The following ATRNL1 variants were observed in gnomAD, a reference collection of about 807,000 sequenced individuals.
ATRNL1 encodes attractin like 1, also known as attractin-like protein 1.
ATRNL1 carries 95 observed loss-of-function variants against 182.7 expected under a neutral mutation model. The ratio of observed to expected loss-of-function variants is 0.52; its 90% CI spans 0.44 to 0.62. The LOEUF (loss-of-function observed/expected upper bound fraction) is 0.62. Ranked by LOEUF, ATRNL1 falls within the 20% of genes least tolerant of loss-of-function variation. The probability of loss-of-function intolerance (pLI) is 0.00; values close to 1 mark genes in which losing one functional copy is unlikely to be tolerated. For missense variants in ATRNL1, 1,471 were observed against 1,679.5 expected (o/e 0.88, Z 2.17); for synonymous variants, 576 against 568.3 (o/e 1.01, Z -0.19).
intron 1 of ATRNL1, among the ~76,000 whole-genome samples, chr10:115,103,707 G>T (rs981545454): frequency 2.0e-5 from 3 of 151,962 alleles, no homozygotes; most frequent in Non-Finnish European, 2.9e-5. Context: ...ACCTTTCCCA[G>T]CCTCAGGTAA....
chr10:115,363,398 A>G (rs1406935378), intron 19 of ATRNL1, among the ~76,000 whole-genome samples: 2 of 145,478 alleles, frequency 1.4e-5, no homozygotes, highest in South Asian at 4.5e-4. Flanking sequence ...GTTTGAGTTC[A>G]TTGTAGATTC....
chr10:115,347,298 A>C (rs1458183271), intron 19 of ATRNL1, among the ~76,000 whole-genome samples: 2 of 152,118 alleles, frequency 1.3e-5, no homozygotes, highest in Admixed American at 6.5e-5. Context: ...CGTGTTTCTT[A>C]AAGTTGGCAG....
chr10:115,740,269 G>A (rs1160900560), intron 27 of ATRNL1, among the ~76,000 whole-genome samples: 11 of 151,962 alleles, frequency 7.2e-5, no homozygotes, highest in South Asian at 2.1e-4. Flanking sequence ...TCATACCAGA[G>A]ACCTTTTCTT....
intron 27 of ATRNL1, among the ~76,000 whole-genome samples, chr10:115,749,232 A>G (rs1555070012): frequency 1.3e-5 from 2 of 151,912 alleles, no homozygotes; most frequent in Non-Finnish European, 2.9e-5. Context: ...TACTAATTTT[A>G]TGTATTTTTA....
intron 26 of ATRNL1, among the ~76,000 whole-genome samples, chr10:115,683,342 A>G (rs1445213033): frequency 6.6e-6 from 1 of 151,998 alleles, no homozygotes; most frequent in African/African-American, 2.4e-5. Context: ...AATTTTTATT[A>G]TGATAAGCTT....
At chr10:115,535,954 A>C (rs565290681) in intron 25 of ATRNL1, among the ~76,000 whole-genome samples, 1 of 151,372 alleles carries the variant, frequency 6.6e-6, no homozygotes, top group East Asian at 2.0e-4. Flanking sequence ...CTGCTGTCTG[A>C]TCGTTCCTCT....
intron 5 of ATRNL1, among the ~76,000 whole-genome samples, chr10:115,144,914 T>TA (rs5788095): frequency 0.73 from 110,850 of 151,860 alleles, 41,467 homozygotes; most frequent in African/African-American, 0.84. Context: ...ATTTTATTAA[T>TA]AAAAAATTGA....
At chr10:115,514,309 T>A (rs190470507) in intron 24 of ATRNL1, among the ~76,000 whole-genome samples, 1 of 152,012 alleles carries the variant, frequency 6.6e-6, no homozygotes, top group African/African-American at 2.4e-5. Context: ...ATATTTCTTA[T>A]GAAAACTTTT....
chr10:115,772,365 G>A (rs542494678), intron 27 of ATRNL1, among the ~76,000 whole-genome samples: 14 of 152,164 alleles, frequency 9.2e-5, no homozygotes, highest in East Asian at 5.8e-4. Context: ...GTTCCCTTAC[G>A]AAAACGTGAA....
intron 8 of ATRNL1, among the ~76,000 whole-genome samples, chr10:115,187,680 T>G (rs1564806605): frequency 1.3e-5 from 2 of 149,856 alleles, no homozygotes; most frequent in East Asian, 1.9e-4. Flanking sequence ...GTTTTTTTTT[T>G]TTTTTTTTTT....
chr10:115,157,337 A>G (rs1846569710), intron 5 of ATRNL1, among the ~76,000 whole-genome samples: 1 of 152,102 alleles, frequency 6.6e-6, no homozygotes, highest in Admixed American at 6.6e-5. Context: ...TGTGTTTTAA[A>G]TTAATATTCA....
intron 21 of ATRNL1, among the ~76,000 whole-genome samples, chr10:115,450,535 G>A (rs1238413317): frequency 1.3e-5 from 2 of 152,094 alleles, no homozygotes; most frequent in Non-Finnish European, 2.9e-5. Flanking sequence ...ATTCACAATT[G>A]CTACAAAAAG....
chr10:115,309,887 A>G (rs1302712104), intron 17 of ATRNL1, among the ~76,000 whole-genome samples: 1 of 152,038 alleles, frequency 6.6e-6, no homozygotes, highest in East Asian at 1.9e-4. Flanking sequence ...CCAGTACTAT[A>G]TTAAATAGAA....
At chr10:115,539,233 G>A (rs1232573717) in intron 25 of ATRNL1, among the ~76,000 whole-genome samples, 1 of 151,484 alleles carries the variant, frequency 6.6e-6, no homozygotes, top group Non-Finnish European at 1.5e-5. Context: ...TTCACATGTG[G>A]ATATCCTGTT....
chr10:115,290,577 A>C (rs1554920544), intron 15 of ATRNL1, among the ~76,000 whole-genome samples: 1 of 152,180 alleles, frequency 6.6e-6, no homozygotes, highest in African/African-American at 2.4e-5. Context: ...AATTGCTTGA[A>C]TCTGGGAGGC....
chr10:115,515,921 C>G (rs782780431), intron 24 of ATRNL1, among the ~76,000 whole-genome samples: 12 of 151,918 alleles, frequency 7.9e-5, no homozygotes, highest in South Asian at 2.1e-4. Flanking sequence ...TTCCTGGTTT[C>G]CTCCCACCTA....
chr10:115,690,113 G>A (rs1242060671), intron 26 of ATRNL1, among the ~76,000 whole-genome samples: 1 of 152,104 alleles, frequency 6.6e-6, no homozygotes, highest in African/African-American at 2.4e-5. Context: ...TCCCAGACAG[G>A]GAGGTCTTGG....
chr10:115,796,851 A>G (rs1388140269), intron 27 of ATRNL1, among the ~76,000 whole-genome samples: 1 of 152,192 alleles, frequency 6.6e-6, no homozygotes, highest in East Asian at 1.9e-4. Context: ...TTTATTTTGA[A>G]ATCATAAACT....
chr10:115,814,319 C>G (rs1365309369), intron 27 of ATRNL1, among the ~76,000 whole-genome samples: 1 of 151,688 alleles, frequency 6.6e-6, no homozygotes, highest in Non-Finnish European at 1.5e-5. Flanking sequence ...GTTACTTGCC[C>G]CACAAAATAT....
Sources: allele counts gnomAD v4.1 joint callset (sites outside exome capture counted in the v4.1 genomes callset), GRCh38; gene constraint gnomAD v4.1.1; transcripts MANE v1.5; gene names NCBI Gene and HGNC (gene_info 2026-07-23, HGNC 2026-07-21).